Variants in USP3 observed in about 807,000 individuals in gnomAD.
The protein encoded by USP3 is ubiquitin specific peptidase 3, also known as ubiquitin carboxyl-terminal hydrolase 3.
A neutral mutation model predicts 72.3 loss-of-function variants in USP3; 20 were observed. The observed-to-expected ratio is 0.28, with a 90% confidence interval of 0.19 to 0.40. The LOEUF (loss-of-function observed/expected upper bound fraction) is 0.40. Among genes scored for constraint, USP3 ranks in the 10% least tolerant of loss-of-function variants. The pLI is 1.00. For missense variants in USP3, 479 were observed against 633.9 expected (o/e 0.76, Z 2.62); for synonymous variants, 222 against 225.3 (o/e 0.99, Z 0.13).
chr15:63,526,888 T>C (rs904313496), intron 1 of USP3, among the ~76,000 whole-genome samples: 2 of 152,222 alleles, frequency 1.3e-5, no homozygotes, highest in African/African-American at 2.4e-5. Flanking sequence ...TGCCAGTCCT[T>C]ATGTTCTTTA....
At position 63,556,715 on chromosome 15, in the gene USP3, C is replaced by T; in HGVS notation, c.417C>T (p.Asn139=). ...DRHKKRKLLE[N]STLNSKLLKV... is the part of the protein sequence containing the mutation. ...ATAAGAAAAGAAAACTTTTGGAAAA[C>T]TCAACACTAAACAGCAAGTTATTAA... Residue 139 remains asparagine (N), a synonymous_variant, in exon 5 of 15, where the codon AAC becomes AAT. Coordinates refer to ENST00000380324, the MANE Select transcript of USP3 (RefSeq NM_006537.4). 1 of 1,608,110 alleles carries T rather than the reference C, an allele frequency of 6.2e-7. No individual in the cohort carries two copies. Among genetic ancestry groups the T allele is most frequent in the East Asian group, 2.2e-5 (1 of 44,826 alleles).
chr15:63,523,580 G>A (rs527637017), intron 1 of USP3, among the ~76,000 whole-genome samples: 2 of 152,320 alleles, frequency 1.3e-5, no homozygotes, highest in South Asian at 4.1e-4. Flanking sequence ...AATTTGGCTA[G>A]TTCAGCTAAA....
intron 1 of USP3, among the ~76,000 whole-genome samples, chr15:63,507,783 G>C (rs950061694): frequency 2.0e-5 from 3 of 152,152 alleles, no homozygotes; most frequent in Non-Finnish European, 4.4e-5. Context: ...CTTAAAAATT[G>C]TTGAGCACCT....
Position 63,556,524 on chromosome 15 carries a change from G to C in USP3, c.369-143G>C, listed in dbSNP as rs536043999. ...GAGCTCCTCGGTTAACTTCAAATAC[G>C]TGTGGGCCCCAGTAGGCCTGACGAA... On this transcript the variant is annotated intron_variant, in intron 4 of 14. Transcript: ENST00000380324. 1.9e-3 allele frequency: 991 copies of C among 533,634 alleles called. 10 individuals are homozygous for C. Among genetic ancestry groups the C allele is most frequent in the South Asian group, 0.012 (391 of 32,744 alleles). 33.1% of individuals were successfully genotyped at this position (533,634 alleles called of 1,614,324 possible).
At chr15:63,536,385 TG>T (rs752257662) in intron 2 of USP3, among the ~76,000 whole-genome samples, 2 of 151,196 alleles carry the variant, frequency 1.3e-5, no homozygotes, top group Admixed American at 1.3e-4. Context: ...CTGTGGGAAG[TG>T]GCTGAGTAAT....
At chr15:63,549,670 C>G (rs569892159) in intron 3 of USP3, among the ~76,000 whole-genome samples, 272 of 152,156 alleles carry the variant, frequency 1.8e-3, no homozygotes, top group Non-Finnish European at 2.9e-3. Flanking sequence ...ATTGTTATAC[C>G]TGTCTAGCTA....
chr15:63,583,112 A>AGG, intron 11 of USP3, among the ~76,000 whole-genome samples: 1 of 151,624 alleles, frequency 6.6e-6, no homozygotes, highest in East Asian at 1.9e-4. Context: ...GGTTAAATAT[A>AGG]GGGGGGGGAA....
At chr15:63,531,686 A>T (rs952965559) in intron 1 of USP3, among the ~76,000 whole-genome samples, 1 of 152,182 alleles carries the variant, frequency 6.6e-6, no homozygotes, top group Non-Finnish European at 1.5e-5. Flanking sequence ...TCCTAAACTA[A>T]GAAATTTAAA....
chr15:63,509,425 A>C (rs918268220), intron 1 of USP3, among the ~76,000 whole-genome samples: 1 of 152,198 alleles, frequency 6.6e-6, no homozygotes, highest in African/African-American at 2.4e-5. Context: ...TATTTTAGTC[A>C]GTAAACGTTG....
At chr15:63,589,091 C>A in intron 14 of USP3, 80 bp downstream of exon 14, 1 of 1,483,190 alleles carries the variant, frequency 6.7e-7, no homozygotes, top group Non-Finnish European at 9.3e-7. Context: ...ACCACTCTTG[C>A]TAGTTCTTCC....
At chr15:63,523,878 G>A (rs770107170) in intron 1 of USP3, among the ~76,000 whole-genome samples, 3 of 152,154 alleles carry the variant, frequency 2.0e-5, no homozygotes, top group Non-Finnish European at 4.4e-5. Flanking sequence ...GGGTTTCCTA[G>A]AATGCTTATT....
At chr15:63,508,614 A>G (rs1429994438) in intron 1 of USP3, among the ~76,000 whole-genome samples, 1 of 152,216 alleles carries the variant, frequency 6.6e-6, no homozygotes, top group African/African-American at 2.4e-5. Flanking sequence ...TGCACATACC[A>G]GATGTTATTT....
intron 1 of USP3, among the ~76,000 whole-genome samples, chr15:63,514,499 G>C (rs2065826495): frequency 6.6e-6 from 1 of 152,018 alleles, no homozygotes; most frequent in Non-Finnish European, 1.5e-5. Context: ...TTCAAAATAA[G>C]TCCCGTTGAT....
chr15:63,590,933 A>G lies in USP3; in HGVS notation c.*107A>G, dbSNP rs895199389. On this transcript the variant is annotated 3_prime_UTR_variant, in exon 15 of 15. Coordinates refer to ENST00000380324, the MANE Select transcript of USP3 (RefSeq NM_006537.4). ...TTCATTATGCACTTTTCAATTTCCT[A>G]TTTTGGATTTAGTTTTGTCAATGGT... The G allele has an allele frequency of 8.9e-6, 12 of 1,355,632 alleles. No homozygotes were observed. The highest frequency in any genetic ancestry group is 6.2e-5 in the Admixed American group (2 of 32,350). 84.0% of individuals were successfully genotyped at this position (1,355,632 alleles called of 1,614,324 possible).
chr15:63,570,556 G>T lies in USP3; in HGVS notation c.885G>T (p.Leu295=). The change falls in exon 9 of 15, where the codon CTG becomes CTT. Residue 295 remains leucine, a synonymous_variant. Coordinates refer to ENST00000380324, the MANE Select transcript of USP3 (RefSeq NM_006537.4). This position sits in a 1 kb window ranked among gnomAD's most constrained non-coding sequence, Gnocchi z 4.4. ...RSAILQENST[L]SASNKCCING... is the part of the protein sequence containing the mutation. ...CAATTCTGCAGGAGAATTCTACTCTGTCTGCAAGTAACAAGTGTTGCATGT... is the reference window on the plus strand; with the variant it reads ...CAATTCTGCAGGAGAATTCTACTCTTTCTGCAAGTAACAAGTGTTGCATGT... 1 of 1,613,330 alleles carries T rather than the reference G, an allele frequency of 6.2e-7. No homozygotes were observed.
In USP3 at chr15:63,553,817, G is replaced by A. The variant is rs2066468668; in HGVS notation, c.368+19G>A. ...TGGAAAAGTAAGTAATAGGCCTTTG[G>A]AAAAAGAAGGGCCTAAGAATGGGGT... On this transcript the variant is annotated intron_variant, in intron 4 of 14. Transcript: ENST00000380324. The surrounding 1 kb of genome is among the most constrained non-coding windows in gnomAD (Gnocchi z 4.2). 1 of 1,599,934 alleles carries A rather than the reference G, an allele frequency of 6.3e-7. No individual in the cohort carries two copies. The highest frequency in any genetic ancestry group is 1.1e-5 in the South Asian group (1 of 89,184).
chr15:63,546,025 A>AT (rs1299507501), intron 3 of USP3, among the ~76,000 whole-genome samples: 1 of 149,852 alleles, frequency 6.7e-6, no homozygotes, highest in African/African-American at 2.4e-5. Flanking sequence ...TTGAAGAGTC[A>AT]TTTAAAATCA....
intron 3 of USP3, among the ~76,000 whole-genome samples, chr15:63,541,407 T>G (rs2066243310): frequency 6.6e-6 from 1 of 152,190 alleles, no homozygotes; most frequent in South Asian, 2.1e-4. Flanking sequence ...TTTGTTGATG[T>G]TCTTATAAAC....
intron 8 of USP3, among the ~76,000 whole-genome samples, 190 bp downstream of exon 8, chr15:63,563,198 T>C (rs920396948): frequency 5.3e-5 from 8 of 152,202 alleles, no homozygotes; most frequent in African/African-American, 9.6e-5. Flanking sequence ...ATTTAAATAA[T>C]AGACTATAGA....
Sources: gnomAD v4.1 joint callset for allele counts (sites outside exome capture counted in the v4.1 genomes callset) on GRCh38, gnomAD v4.1.1 for gene constraint, Gnocchi (gnomAD v3.1) non-coding constraint, MANE v1.5 for transcripts, NCBI Gene and HGNC (gene_info 2026-07-23, HGNC 2026-07-21) for gene names.